ZFHX3: variants seen among roughly 807,000 people sequenced by gnomAD.
ZFHX3 encodes the protein zinc finger homeobox protein 3.
Under a neutral mutation model 279.1 loss-of-function variants are expected in ZFHX3, and 42 were observed. That is an observed-to-expected ratio of 0.15 (90% confidence interval 0.12 to 0.19). ZFHX3 has a LOEUF of 0.19. Among genes scored for constraint, ZFHX3 ranks in the 10% least tolerant of loss-of-function variants. The probability of loss-of-function intolerance (pLI) is 1.00; values close to 1 mark genes in which losing one functional copy is unlikely to be tolerated. For synonymous variants in ZFHX3, 2,293 were observed against 1,957.8 expected (o/e 1.17, Z -4.52); for missense variants, 4,981 against 4,754.0 (o/e 1.05, Z -1.40).
At chr16:73,373,688 T>A (rs2016672748) in intron 3 of ZFHX3, among the ~76,000 whole-genome samples, 1 of 152,192 alleles carries the variant, frequency 6.6e-6, no homozygotes, top group Non-Finnish European at 1.5e-5. Flanking sequence ...ATGATAAAAA[T>A]TATCCTTCTG....
upstream of ZFHX3, among the ~76,000 whole-genome samples, chr16:73,049,814 C>G (rs1965416290): frequency 6.6e-6 from 1 of 152,002 alleles, no homozygotes; most frequent in Admixed American, 6.6e-5. Flanking sequence ...GACTTCAGGC[C>G]CAAGAACAGG....
intron 1 of ZFHX3, among the ~76,000 whole-genome samples, chr16:73,024,561 A>G (rs1964426841): frequency 6.6e-6 from 1 of 152,156 alleles, no homozygotes; most frequent in South Asian, 2.1e-4. Context: ...CTGGTTCTCG[A>G]GGACTGGGAA....
intron 2 of ZFHX3, among the ~76,000 whole-genome samples, chr16:73,586,578 G>T (rs2051929423): frequency 6.6e-6 from 1 of 151,840 alleles, no homozygotes. Flanking sequence ...TCCTCAGAAA[G>T]ATTTTTGAAA....
intron 2 of ZFHX3, among the ~76,000 whole-genome samples, chr16:73,635,444 A>G (rs893313197): frequency 6.6e-6 from 1 of 152,216 alleles, no homozygotes; most frequent in African/African-American, 2.4e-5. Context: ...ACACACACGT[A>G]TGCACCCACA....
chr16:73,654,324 C>A (rs9929712), intron 2 of ZFHX3, among the ~76,000 whole-genome samples: 147,904 of 152,268 alleles, frequency 0.97, 71,859 homozygotes, highest in East Asian at 1. Context: ...TGAAATGATA[C>A]TCAAAAATTT....
At chr16:73,439,933 C>CAAA (rs2018060344) in intron 3 of ZFHX3, among the ~76,000 whole-genome samples, 2 of 78,234 alleles carry the variant, frequency 2.6e-5, no homozygotes, top group African/African-American at 5.2e-5. Context: ...AAAAAAAAAA[C>CAAA]ACAAAAAAAA....
intron 1 of ZFHX3, among the ~76,000 whole-genome samples, chr16:73,779,397 A>G (rs534547377): frequency 2.1e-5 from 3 of 143,948 alleles, no homozygotes; most frequent in African/African-American, 7.8e-5. Flanking sequence ...TGATGAAGAA[A>G]GAGGAGGAGG....
At chr16:73,319,073 G>A (rs73587721) in intron 3 of ZFHX3, among the ~76,000 whole-genome samples, 16,382 of 150,420 alleles carry the variant, frequency 0.11, 1,398 homozygotes, top group African/African-American at 0.23. Flanking sequence ...TACCATGGAG[G>A]GGGTGAGGTG....
intron 4 of ZFHX3, among the ~76,000 whole-genome samples, chr16:73,304,197 C>A (rs2015126681): frequency 6.6e-6 from 1 of 152,070 alleles, no homozygotes; most frequent in Non-Finnish European, 1.5e-5. Context: ...GGAATTTGTG[C>A]CTCCAAGGCT....
chr16:73,657,614 C>T (rs1186424361), intron 2 of ZFHX3, among the ~76,000 whole-genome samples: 1 of 152,072 alleles, frequency 6.6e-6, no homozygotes, highest in Non-Finnish European at 1.5e-5. Flanking sequence ...TCTCCTTTCT[C>T]CCCCAGTCCT....
chr16:72,895,694 C>T (rs1458507037), intron 3 of ZFHX3, among the ~76,000 whole-genome samples: 1 of 152,150 alleles, frequency 6.6e-6, no homozygotes, highest in Non-Finnish European at 1.5e-5. Flanking sequence ...TGTGGTGGCA[C>T]ATGCCTGTAG....
At chr16:73,055,044 GAA>G (rs35678846) in intron 1 of ZFHX3, among the ~76,000 whole-genome samples, 11 of 141,378 alleles carry the variant, frequency 7.8e-5, no homozygotes, top group South Asian at 2.2e-4. Flanking sequence ...CAAAGGGAGA[GAA>G]AAAAAAAAAA....
intron 2 of ZFHX3, among the ~76,000 whole-genome samples, chr16:73,549,627 T>C (rs2020173399): frequency 6.6e-6 from 1 of 152,220 alleles, no homozygotes; most frequent in African/African-American, 2.4e-5. Context: ...AAAAACACTC[T>C]GCTTCTTAAA....
chr16:73,523,196 A>G (rs1284856527), intron 2 of ZFHX3, among the ~76,000 whole-genome samples: 1 of 152,242 alleles, frequency 6.6e-6, no homozygotes, highest in Non-Finnish European at 1.5e-5. Context: ...GATTTATTAT[A>G]ATTTGGCAAA....
At chr16:73,546,083 T>C (rs761348764) in intron 2 of ZFHX3, among the ~76,000 whole-genome samples, 41 of 152,314 alleles carry the variant, frequency 2.7e-4, no homozygotes, top group Non-Finnish European at 4.7e-4. Context: ...TGAAGCCAGA[T>C]TAAAATCTTT....
chr16:73,355,965 T>A (rs1171131584), intron 3 of ZFHX3, among the ~76,000 whole-genome samples: 1 of 152,036 alleles, frequency 6.6e-6, no homozygotes, highest in Non-Finnish European at 1.5e-5. Flanking sequence ...AGTCCAGGGT[T>A]TTTCCTCCCC....
intron 5 of ZFHX3, among the ~76,000 whole-genome samples, chr16:73,154,248 G>C (rs1027039980): frequency 6.6e-6 from 1 of 152,176 alleles, no homozygotes; most frequent in Non-Finnish European, 1.5e-5. Context: ...CCTTTCTTCG[G>C]TCAATGCACA....
chr16:73,741,375 C>T (rs1461406541), intron 1 of ZFHX3, among the ~76,000 whole-genome samples: 1 of 152,122 alleles, frequency 6.6e-6, no homozygotes, highest in Non-Finnish European at 1.5e-5. Context: ...TCTCTGAATC[C>T]TCAAGTTCAT....
In ZFHX3 at chr16:73,356,607, T is replaced by C. The variant is rs149947919; in HGVS notation, c.-1290-38271A>G. Among the ~76,000 whole-genome samples, 22 of 152,154 alleles carry C rather than the reference T, an allele frequency of 1.4e-4. No homozygotes were observed. The East Asian group carries it at 4.2e-3, about 29-fold the overall frequency. On this transcript the variant is annotated intron_variant, in intron 3 of 17. Transcript: ENST00000641206. Reference sequence around the variant, plus strand: ...CCGACACTTACAAGCTGAGCGACCTTGGACAATACAATGGCAATGCTAACA... The same window carrying C: ...CCGACACTTACAAGCTGAGCGACCTCGGACAATACAATGGCAATGCTAACA...
Sources: allele counts gnomAD v4.1 joint callset (sites outside exome capture counted in the v4.1 genomes callset), GRCh38; gene constraint gnomAD v4.1.1; transcripts MANE v1.5; gene names NCBI Gene and HGNC (gene_info 2026-07-23, HGNC 2026-07-21).